DBT: variants seen among roughly 807,000 people sequenced by gnomAD.
DBT encodes lipoamide acyltransferase component of branched-chain alpha-keto acid dehydrogenase complex, mitochondrial.
Under a neutral mutation model 51.3 loss-of-function variants are expected in DBT, and 40 were observed. That is an observed-to-expected ratio of 0.78 (90% CI 0.61 to 1.02). The LOEUF (loss-of-function observed/expected upper bound fraction) is 1.02, where lower values mean the gene tolerates loss of function less well. Among genes scored for constraint, DBT ranks in the 50% least tolerant of loss-of-function variants. The probability of loss-of-function intolerance (pLI) is 0.00; values close to 1 mark genes in which losing one functional copy is unlikely to be tolerated. For missense variants in DBT, 510 were observed against 580.2 expected (o/e 0.88, Z 1.24); for synonymous variants, 181 against 190.4 (o/e 0.95, Z 0.41).
At chr1:100,234,529 T>G (rs1239621450) in intron 3 of DBT, among the ~76,000 whole-genome samples, 1 of 152,118 alleles carries the variant, frequency 6.6e-6, no homozygotes, top group Non-Finnish European at 1.5e-5. Context: ...GTCTTGGTCT[T>G]GAAAAGAAGG....
chr1:100,206,057 C>T (rs1339766954), intron 10 of DBT, among the ~76,000 whole-genome samples, 173 bp downstream of exon 10: 1 of 144,032 alleles, frequency 6.9e-6, no homozygotes, highest in Non-Finnish European at 1.5e-5. Flanking sequence ...GCACATGTAT[C>T]CCAGAACTTA....
intron 2 of DBT, among the ~76,000 whole-genome samples, chr1:100,240,475 C>T (rs1664146743): frequency 6.6e-6 from 1 of 152,118 alleles, no homozygotes; most frequent in African/African-American, 2.4e-5. Flanking sequence ...TTATAGTGAG[C>T]TGTGATTACA....
At chr1:100,245,071 A>G (rs1017476609) in intron 1 of DBT, among the ~76,000 whole-genome samples, 1 of 152,176 alleles carries the variant, frequency 6.6e-6, no homozygotes, top group Non-Finnish European at 1.5e-5. Context: ...AGGAAAGAGG[A>G]GAAGAAATAA....
At position 100,214,960 on chromosome 1, in the gene DBT, T is replaced by C; in HGVS notation, c.796A>G (p.Thr266Ala). 1 of 1,611,884 alleles carries C rather than the reference T, an allele frequency of 6.2e-7. No individual in the cohort carries two copies. Among genetic ancestry groups the C allele is most frequent in the Non-Finnish European group, 8.5e-7 (1 of 1,178,002 alleles). The change falls in exon 7 of 11, where the codon ACT becomes GCT. Residue 266 changes from threonine (T) to alanine (A), a missense_variant. Coordinates refer to ENST00000370132, the MANE Select transcript of DBT (RefSeq NM_001918.5). ...IKGFQKAMVK[T>A]MSAALKIPHF... ...GGTATCTTCAGGGCTGCAGACATAG[T>C]CTTGACCATTGCTTTTTGAAAGCCT...
At chr1:100,241,366 T>TTGTGTGTGTGTGTGTGTGTG (rs58256713) in intron 1 of DBT, among the ~76,000 whole-genome samples, 1 of 144,012 alleles carries the variant, frequency 6.9e-6, no homozygotes, top group African/African-American at 2.6e-5. Context: ...CTGAAAGGTA[T>TTGTGTGTGTGTGTGTGTGTG]TGTGTGTGTG....
chr1:100,210,338 AAGAAG>A, intron 8 of DBT, among the ~76,000 whole-genome samples: 1 of 144,292 alleles, frequency 6.9e-6, no homozygotes, highest in Non-Finnish European at 1.5e-5. Flanking sequence ...GAAGAAGAAG[AAGAAG>A]AAGAATAAGA....
chr1:100,228,574 T>G (rs1663351499), intron 4 of DBT, among the ~76,000 whole-genome samples: 1 of 151,886 alleles, frequency 6.6e-6, no homozygotes. Context: ...GCCTGGCCAA[T>G]GTGGTGAAAT....
intron 7 of DBT, chr1:100,211,138 C>T (rs777249429): frequency 1.3e-6 from 1 of 777,520 alleles, no homozygotes; most frequent in South Asian, 1.3e-5. Flanking sequence ...GGAATCAAAA[C>T]ACAAAAAAAG....
chr1:100,213,196 T>G, intron 7 of DBT: 1 of 527,926 alleles, frequency 1.9e-6, no homozygotes. Flanking sequence ...AATTAAGAGA[T>G]AATGGGCCCT....
intron 2 of DBT, among the ~76,000 whole-genome samples, chr1:100,236,874 C>G (rs915153412): frequency 6.6e-6 from 1 of 152,094 alleles, no homozygotes; most frequent in South Asian, 2.1e-4. Context: ...TCTCTATAGC[C>G]GAAGATGCGG....
intron 7 of DBT, chr1:100,213,492 A>G (rs1201141338): frequency 1.1e-5 from 17 of 1,546,060 alleles, no homozygotes; most frequent in Non-Finnish European, 1.5e-5. Flanking sequence ...GTCATCCGCT[A>G]TCCTACCAAC....
chr1:100,243,507 A>G (rs1268653902), intron 1 of DBT, among the ~76,000 whole-genome samples: 1 of 151,930 alleles, frequency 6.6e-6, no homozygotes, highest in Non-Finnish European at 1.5e-5. Context: ...ATTTTAGTAG[A>G]GACGGGGTTT....
chr1:100,213,445 C>T, intron 7 of DBT: 1 of 1,569,252 alleles, frequency 6.4e-7, no homozygotes, highest in Non-Finnish European at 8.8e-7. Context: ...GGACACCCAC[C>T]CACCATCCCA....
rs201117345 is a variant in DBT at position 100,206,304 on chromosome 1, AT to A, written c.1210-4del. The A allele has an allele frequency of 0.025, 34,432 of 1,367,896 alleles. 29 individuals carry two copies. The highest frequency in any genetic ancestry group is 0.031 in the Admixed American group (1,593 of 51,692). The allele number at this position is 1,367,896 out of a possible 1,614,324, so 84.7% of individuals were successfully genotyped here. On this transcript the variant is annotated splice_polypyrimidine_tract_variant and splice_region_variant and intron_variant, in intron 9 of 10. Transcript: ENST00000370132. ...GGTTTGGCAAAGGTACCACCAATCT[AT>A]TTTTTAAAAAAAAAAAAAGGAGAGT...
At chr1:100,239,102 T>C (rs965777592) in intron 2 of DBT, among the ~76,000 whole-genome samples, 2 of 152,230 alleles carry the variant, frequency 1.3e-5, no homozygotes, top group African/African-American at 2.4e-5. Flanking sequence ...TGTACTGATA[T>C]ATCCCAAGCA....
chr1:100,218,984 G>C (rs1030680748), intron 4 of DBT, among the ~76,000 whole-genome samples: 3 of 152,012 alleles, frequency 2.0e-5, no homozygotes, highest in Non-Finnish European at 4.4e-5. Flanking sequence ...TTAGTACCTG[G>C]TGGATATGTC....
At chr1:100,209,391 C>T (rs1011054846) in intron 8 of DBT, among the ~76,000 whole-genome samples, 1 of 151,536 alleles carries the variant, frequency 6.6e-6, no homozygotes, top group Admixed American at 6.6e-5. Context: ...GGAGCCACCA[C>T]ACCCGGCCAA....
chr1:100,239,358 G>T (rs898100479), intron 2 of DBT, among the ~76,000 whole-genome samples: 1 of 152,104 alleles, frequency 6.6e-6, no homozygotes, highest in African/African-American at 2.4e-5. Context: ...GTATTTACTT[G>T]AATGACCTCT....
intron 4 of DBT, among the ~76,000 whole-genome samples, chr1:100,219,657 G>C (rs553564424): frequency 5.3e-5 from 8 of 152,046 alleles, no homozygotes; most frequent in African/African-American, 1.9e-4. Context: ...CTGAGGCGGG[G>C]AGAATCACTT....
Sources: allele counts gnomAD v4.1 joint callset (sites outside exome capture counted in the v4.1 genomes callset), GRCh38; gene constraint gnomAD v4.1.1; transcripts MANE v1.5; gene names NCBI Gene and HGNC (gene_info 2026-07-23, HGNC 2026-07-21).